The following CNTNAP2 variants were observed in gnomAD, a reference collection of about 807,000 sequenced individuals.
CNTNAP2 encodes contactin-associated protein-like 2.
In CNTNAP2, 98 loss-of-function variants were observed where a neutral mutation model predicts 155.2. The ratio of observed to expected loss-of-function variants is 0.63; its 90% CI spans 0.54 to 0.75. CNTNAP2 has a LOEUF of 0.75. CNTNAP2 is among the 30% of genes least tolerant of loss of function. The pLI is 0.00. For synonymous variants in CNTNAP2, 651 were observed against 631.2 expected, an observed-to-expected ratio of 1.03 and a Z score of -0.47; for missense variants, 1,727 against 1,688.1, an observed-to-expected ratio of 1.02 and a Z score of -0.40.
Position 147,117,010 on chromosome 7 carries a change from C to G in CNTNAP2, c.755-3969C>G, listed in dbSNP as rs369418764. On this transcript the variant is annotated intron_variant, in intron 5 of 23. Coordinates refer to ENST00000361727, the MANE Select transcript of CNTNAP2 (RefSeq NM_014141.6). ...CCATCTGGTCTCAAGAAGGCTTTGTCCTGATGACAGTGGCTGGCTGAAATT... is the reference window on the plus strand; with the variant it reads ...CCATCTGGTCTCAAGAAGGCTTTGTGCTGATGACAGTGGCTGGCTGAAATT... 1.3e-3 allele frequency among the ~76,000 whole-genome samples: 193 copies of G among 152,266 alleles called. 1 individual carries two copies. The highest frequency in any genetic ancestry group is 4.6e-3 in the African/African-American group (190 of 41,562).
intron 3 of CNTNAP2, among the ~76,000 whole-genome samples, chr7:146,990,801 G>T (rs1416539666): frequency 6.6e-6 from 1 of 151,976 alleles, no homozygotes; most frequent in Non-Finnish European, 1.5e-5. Flanking sequence ...AATAAGAAAA[G>T]CTCATTGACT....
intron 18 of CNTNAP2, among the ~76,000 whole-genome samples, chr7:148,202,959 T>C (rs1795390810): frequency 6.6e-6 from 1 of 152,192 alleles, no homozygotes; most frequent in South Asian, 2.1e-4. Context: ...ACAGATAAAG[T>C]ATAATAACTT....
chr7:146,125,720 C>A (rs1180865952), intron 1 of CNTNAP2, among the ~76,000 whole-genome samples: 1 of 151,126 alleles, frequency 6.6e-6, no homozygotes, highest in Non-Finnish European at 1.5e-5. Context: ...ACAAAAACAA[C>A]CTTATTCCAA....
At chr7:147,614,920 C>T (rs887344233) in intron 12 of CNTNAP2, among the ~76,000 whole-genome samples, 1 of 151,402 alleles carries the variant, frequency 6.6e-6, no homozygotes, top group African/African-American at 2.4e-5. Context: ...TCTAAACACT[C>T]CAAGTATAAA....
intron 2 of CNTNAP2, among the ~76,000 whole-genome samples, chr7:146,776,585 G>A (rs181228549): frequency 6.6e-6 from 1 of 152,250 alleles, no homozygotes; most frequent in Admixed American, 6.5e-5. Context: ...GTCAATTATG[G>A]GAATTAGAGA....
chr7:146,381,805 G>A (rs998877963), intron 1 of CNTNAP2, among the ~76,000 whole-genome samples: 3 of 152,094 alleles, frequency 2.0e-5, no homozygotes, highest in Non-Finnish European at 2.9e-5. Flanking sequence ...AAGAAGGAGG[G>A]AAACACAAAT....
chr7:146,188,197 A>G (rs1388622834), intron 1 of CNTNAP2, among the ~76,000 whole-genome samples: 4 of 152,198 alleles, frequency 2.6e-5, no homozygotes, highest in African/African-American at 9.7e-5. Context: ...TTCCATAAGG[A>G]ATCTGATGAA....
intron 9 of CNTNAP2, among the ~76,000 whole-genome samples, chr7:147,334,531 C>T (rs1284867047): frequency 2.0e-5 from 3 of 152,102 alleles, no homozygotes; most frequent in Admixed American, 6.6e-5. Flanking sequence ...ATACAGTTGG[C>T]CTTTTCTTCT....
At chr7:146,444,562 C>T (rs568092141) in intron 1 of CNTNAP2, among the ~76,000 whole-genome samples, 18 of 151,990 alleles carry the variant, frequency 1.2e-4, no homozygotes, top group Admixed American at 9.2e-4. Context: ...CCTCATGTAG[C>T]CAGAAGTATC....
chr7:147,715,135 C>G (rs1796463426), intron 13 of CNTNAP2, among the ~76,000 whole-genome samples: 1 of 151,998 alleles, frequency 6.6e-6, no homozygotes. Flanking sequence ...CTGCTATAAA[C>G]CTTGGTTTAT....
intron 10 of CNTNAP2, among the ~76,000 whole-genome samples, chr7:147,445,397 G>A (rs560082149): frequency 4.6e-5 from 7 of 152,286 alleles, no homozygotes; most frequent in Non-Finnish European, 7.3e-5. Context: ...TGGTTAGGGC[G>A]CCACATTACA....
At chr7:146,296,388 C>A (rs1392929461) in intron 1 of CNTNAP2, among the ~76,000 whole-genome samples, 1 of 152,086 alleles carries the variant, frequency 6.6e-6, no homozygotes, top group African/African-American at 2.4e-5. Flanking sequence ...CTGTCTCCTC[C>A]TTTGGCTGCC....
At chr7:147,640,083 T>TG (rs1795248197) in intron 13 of CNTNAP2, among the ~76,000 whole-genome samples, 1 of 152,172 alleles carries the variant, frequency 6.6e-6, no homozygotes, top group Admixed American at 6.5e-5. Context: ...TATGTGACTT[T>TG]GGTGGAGTGA....
At chr7:148,117,792 A>G (rs1455550792) in intron 15 of CNTNAP2, among the ~76,000 whole-genome samples, 1 of 151,256 alleles carries the variant, frequency 6.6e-6, no homozygotes, top group Admixed American at 6.6e-5. Flanking sequence ...TTATATAATT[A>G]TAAAATATTG....
At chr7:146,508,920 C>T (rs752881829) in intron 1 of CNTNAP2, among the ~76,000 whole-genome samples, 1 of 152,126 alleles carries the variant, frequency 6.6e-6, no homozygotes, top group Non-Finnish European at 1.5e-5. Context: ...TGAGATGGCC[C>T]CCTGCAGAAG....
chr7:146,403,475 A>G (rs559649186), intron 1 of CNTNAP2, among the ~76,000 whole-genome samples: 4 of 152,322 alleles, frequency 2.6e-5, no homozygotes, highest in Non-Finnish European at 5.9e-5. Flanking sequence ...TATGAAACAC[A>G]CTATTTGAGA....
intron 13 of CNTNAP2, among the ~76,000 whole-genome samples, chr7:147,717,535 C>G (rs989579069): frequency 2.6e-5 from 4 of 152,104 alleles, no homozygotes; most frequent in Non-Finnish European, 5.9e-5. Flanking sequence ...AGCTAATGCT[C>G]CACCTTGGGG....
intron 1 of CNTNAP2, among the ~76,000 whole-genome samples, chr7:146,344,539 G>A (rs568249587): frequency 1.5e-5 from 2 of 137,926 alleles, no homozygotes; most frequent in African/African-American, 6.0e-5. Context: ...GAGTTCAATG[G>A]CATGATCTCG....
intron 1 of CNTNAP2, among the ~76,000 whole-genome samples, chr7:146,773,912 G>T (rs1053964523): frequency 6.6e-6 from 1 of 152,092 alleles, no homozygotes; most frequent in Non-Finnish European, 1.5e-5. Context: ...AGTAATTCTA[G>T]TTCCCTGTTC....
Sources: allele counts gnomAD v4.1 joint callset (sites outside exome capture counted in the v4.1 genomes callset), GRCh38; gene constraint gnomAD v4.1.1; transcripts MANE v1.5; gene names NCBI Gene and HGNC (gene_info 2026-07-23, HGNC 2026-07-21).